VAV2: variants seen among roughly 807,000 people sequenced by gnomAD.
The protein encoded by VAV2 is vav guanine nucleotide exchange factor 2.
VAV2 carries 67 observed loss-of-function variants against 132.5 expected under a neutral mutation model. The ratio of observed to expected loss-of-function variants is 0.51; its 90% CI spans 0.42 to 0.62. The LOEUF (loss-of-function observed/expected upper bound fraction) is 0.62, where lower values mean the gene tolerates loss of function less well. VAV2 is among the 20% of genes least tolerant of loss of function. The pLI is 0.00. For synonymous variants in VAV2, 492 were observed against 443.5 expected (o/e 1.11, Z -1.37); for missense variants, 938 against 1,153.6 (o/e 0.81, Z 2.71).
rs1167421831 is a variant in VAV2, at chr9:133,964,042, T to C, written c.205-24823A>G. The stretch of plus-strand genomic sequence containing the variant: ...TCATTCATATATATATATATATATA[T>C]ATATATACATATATATACATATATA... On this transcript the variant is annotated intron_variant, in intron 1 of 29. Transcript: ENST00000371850. Among the ~76,000 whole-genome samples, 9 of 99,308 alleles carry C rather than the reference T, an allele frequency of 9.1e-5. 1 individual carries two copies. Among genetic ancestry groups the C allele is most frequent in the East Asian group, 4.1e-4 (1 of 2,466 alleles). The allele number at this position is 99,308 out of a possible 152,430, so 65.1% of individuals were successfully genotyped here. A position where few individuals can be genotyped will look rare whatever the true frequency, so the allele number is the denominator to read the frequency against.
chr9:133,916,300 AT>A lies in VAV2; in HGVS notation c.321+22802del, dbSNP rs536133700. 1.7e-3 allele frequency among the ~76,000 whole-genome samples: 259 copies of A among 152,360 alleles called. 1 individual carries two copies. Among genetic ancestry groups the A allele is most frequent in the African/African-American group, 6.0e-3 (251 of 41,592 alleles). On this transcript the variant is annotated intron_variant, in intron 2 of 29. Coordinates refer to ENST00000371850, the MANE Select transcript of VAV2 (RefSeq NM_001134398.2). ...AAGAAGGAAGAAAGGCGCAAGATGA[AT>A]TGCCCGCGGAGCCTGTGACTTGCGC...
At chr9:133,817,070 T>G (rs1275417234) in intron 4 of VAV2, among the ~76,000 whole-genome samples, 1 of 152,238 alleles carries the variant, frequency 6.6e-6, no homozygotes, top group East Asian at 1.9e-4. Flanking sequence ...ACAGTGTAAT[T>G]TGGGGAGAAC....
chr9:133,876,388 C>T (rs925977011), intron 2 of VAV2, among the ~76,000 whole-genome samples: 10 of 152,196 alleles, frequency 6.6e-5, no homozygotes, highest in South Asian at 6.2e-4. Flanking sequence ...GGGCAAGGGA[C>T]GGGGTGGGTG....
chr9:133,793,030 T>C (rs1834559080), intron 12 of VAV2, among the ~76,000 whole-genome samples: 1 of 151,944 alleles, frequency 6.6e-6, no homozygotes, highest in Non-Finnish European at 1.5e-5. Flanking sequence ...CTTGGGAAGC[T>C]TCCCCCTCCC....
At chr9:133,951,275 A>G (rs966150723) in intron 1 of VAV2, among the ~76,000 whole-genome samples, 3 of 152,234 alleles carry the variant, frequency 2.0e-5, no homozygotes, top group Non-Finnish European at 4.4e-5. Context: ...AACTCTTCTT[A>G]GTCAATTGCC....
Position 133,782,934 on chromosome 9 carries a change from G to A in VAV2, c.1723+569C>T, listed in dbSNP as rs118175924. Among the ~76,000 whole-genome samples the A allele has an allele frequency of 6.2e-3, 941 of 152,240 alleles. 5 individuals carry two copies. The highest frequency in any genetic ancestry group is 0.011 in the Non-Finnish European group (726 of 68,016). ...GGTGCTTCAGAGGAGCCTCCAGGGC[G>A]CATCCCTGCCTCTGCCCACTGCCAG... On this transcript the variant is annotated intron_variant, in intron 19 of 29. Coordinates refer to ENST00000371850, the MANE Select transcript of VAV2 (RefSeq NM_001134398.2).
chr9:133,941,416 G>GA (rs56370347), intron 1 of VAV2, among the ~76,000 whole-genome samples: 102,051 of 148,112 alleles, frequency 0.69, 34,970 homozygotes, highest in East Asian at 0.81. Flanking sequence ...TCAAAAAAAA[G>GA]AAAAAAAAAA....
rs150109846 is a variant in VAV2, at chr9:133,888,978, C to T, written c.322-27546G>A. 2.7e-3 allele frequency among the ~76,000 whole-genome samples: 416 copies of T among 152,318 alleles called. 1 individual carries two copies. Among genetic ancestry groups the T allele is most frequent in the African/African-American group, 9.5e-3 (395 of 41,566 alleles). On this transcript the variant is annotated intron_variant, in intron 2 of 29. Coordinates refer to ENST00000371850, the MANE Select transcript of VAV2 (RefSeq NM_001134398.2). ...ACGAACAGCATGGAAATGAAGCGCCCCTGCCAGGGGGGCAGGGACACCGCG... is the reference window on the plus strand; with the variant it reads ...ACGAACAGCATGGAAATGAAGCGCCTCTGCCAGGGGGGCAGGGACACCGCG...
chr9:133,786,584 T>TA (rs900317764), intron 16 of VAV2, among the ~76,000 whole-genome samples: 4 of 152,180 alleles, frequency 2.6e-5, no homozygotes, highest in Non-Finnish European at 4.4e-5. Flanking sequence ...AATGTGATGC[T>TA]AAAAAAACCT....
chr9:133,968,038 C>T (rs1842205464), intron 1 of VAV2, among the ~76,000 whole-genome samples: 1 of 149,586 alleles, frequency 6.7e-6, no homozygotes, highest in Non-Finnish European at 1.5e-5. Context: ...GAATGATGGA[C>T]ATCAGAGACT....
chr9:133,826,810 G>C lies in VAV2; in HGVS notation c.449+7462C>G, dbSNP rs990418410. 1.3e-5 allele frequency among the ~76,000 whole-genome samples: 2 copies of C among 152,202 alleles called. No homozygotes were observed. Among genetic ancestry groups the C allele is most frequent in the African/African-American group, 2.4e-5 (1 of 41,448 alleles). On this transcript the variant is annotated intron_variant, in intron 4 of 29. Coordinates refer to ENST00000371850, the MANE Select transcript of VAV2 (RefSeq NM_001134398.2). This position sits in a 1 kb window ranked among gnomAD's most constrained non-coding sequence, Gnocchi z 4.2. The stretch of plus-strand genomic sequence containing the variant: ...CCTCTGACCTGCCGGCACCACGGGA[G>C]GGAGGGCAGAGGCAGGCGGCCTGGC...
At position 133,883,769 on chromosome 9, in the gene VAV2, T is replaced by G. The variant is rs1395589661; in HGVS notation, c.322-22337A>C. Among the ~76,000 whole-genome samples the G allele has an allele frequency of 6.6e-6, 1 of 152,166 alleles. No homozygotes were observed. Among genetic ancestry groups the G allele is most frequent in the Non-Finnish European group, 1.5e-5 (1 of 68,020 alleles). On this transcript the variant is annotated intron_variant, in intron 2 of 29. Coordinates refer to ENST00000371850, the MANE Select transcript of VAV2 (RefSeq NM_001134398.2). This position sits in a 1 kb window ranked among gnomAD's most constrained non-coding sequence, Gnocchi z 4.2. ...GACGAGAAGCCCTCCCGGGATCCAG[T>G]GCCACTGTGAGGCTCAAGTACACCC...
Position 133,768,218 on chromosome 9 carries a change from G to C in VAV2, c.2589+224C>G, listed in dbSNP as rs903219565. Among the ~76,000 whole-genome samples, 5 of 152,186 alleles carry C rather than the reference G, an allele frequency of 3.3e-5. No homozygotes were observed. Among genetic ancestry groups the C allele is most frequent in the Non-Finnish European group, 5.9e-5 (4 of 68,034 alleles). ...GGATCCGCATCAGACCTCTGTAGCC[G>C]ATTTCTGGCTGTGTGACCTTGGGTT... is the stretch of plus-strand genomic sequence containing the variant. On this transcript the variant is annotated intron_variant, in intron 29 of 29. Transcript: ENST00000371850. The surrounding 1 kb of genome is among the most constrained non-coding windows in gnomAD (Gnocchi z 5.3).
At chr9:133,805,205 G>A (rs73553937) in intron 9 of VAV2, among the ~76,000 whole-genome samples, 8,340 of 152,142 alleles carry the variant, frequency 0.055, 767 homozygotes, top group African/African-American at 0.19. Context: ...GCTCAGGGCC[G>A]CGTGGTAAGA....
chr9:133,800,337 C>T (rs999280428), intron 9 of VAV2, among the ~76,000 whole-genome samples: 1 of 152,244 alleles, frequency 6.6e-6, no homozygotes, highest in Admixed American at 6.5e-5. Flanking sequence ...AGGTGGTGAA[C>T]CTCAAGGCTT....
At position 133,928,465 on chromosome 9, in the gene VAV2, G is replaced by A. The variant is rs1334381349; in HGVS notation, c.321+10638C>T. Among the ~76,000 whole-genome samples the A allele has an allele frequency of 6.6e-6, 1 of 152,192 alleles. No individual in the cohort carries two copies. Among genetic ancestry groups the A allele is most frequent in the Non-Finnish European group, 1.5e-5 (1 of 68,038 alleles). On this transcript the variant is annotated intron_variant, in intron 2 of 29. Coordinates refer to ENST00000371850, the MANE Select transcript of VAV2 (RefSeq NM_001134398.2). The surrounding 1 kb of genome is among the most constrained non-coding windows in gnomAD (Gnocchi z 5.4). ...AAGTAATTAGTGTGGAGTGGATGCT[G>A]CTACAAAGACTAGCACGTCTCACTG... is the stretch of plus-strand genomic sequence containing the variant.
chr9:133,855,712 C>T (rs1837359938), intron 3 of VAV2, among the ~76,000 whole-genome samples: 1 of 152,212 alleles, frequency 6.6e-6, no homozygotes, highest in Admixed American at 6.5e-5. Flanking sequence ...GTCACTGCTT[C>T]CAGTTCCTAA....
rs1209362762 is a variant in VAV2 at position 133,991,692 on chromosome 9, G to T, written c.204+383C>A. On this transcript the variant is annotated intron_variant, in intron 1 of 29. Coordinates refer to ENST00000371850, the MANE Select transcript of VAV2 (RefSeq NM_001134398.2). This position sits in a 1 kb window ranked among gnomAD's most constrained non-coding sequence, Gnocchi z 4.8. ...TCCGGCCAGGAGGCGCGAGGCCCAA[G>T]GATGCGACCCACGACGCGCACACCC... is the stretch of plus-strand genomic sequence containing the variant. Among the ~76,000 whole-genome samples, 1 of 151,438 alleles carries T rather than the reference G, an allele frequency of 6.6e-6. No homozygotes were observed. The highest frequency in any genetic ancestry group is 2.4e-5 in the African/African-American group (1 of 41,364).
intron 2 of VAV2, among the ~76,000 whole-genome samples, chr9:133,872,917 A>T (rs1049507763): frequency 6.6e-6 from 1 of 152,176 alleles, no homozygotes; most frequent in Non-Finnish European, 1.5e-5. Flanking sequence ...GTTCTAGACC[A>T]GCCTGGGCAA....
Sources: gnomAD v4.1 joint callset for allele counts (sites outside exome capture counted in the v4.1 genomes callset) on GRCh38, gnomAD v4.1.1 for gene constraint, Gnocchi (gnomAD v3.1) non-coding constraint, MANE v1.5 for transcripts, NCBI Gene and HGNC (gene_info 2026-07-23, HGNC 2026-07-21) for gene names.